The following NCKAP5 variants were observed in gnomAD, a reference collection of about 807,000 sequenced individuals.
NCKAP5 encodes the protein NCK associated protein 5.
NCKAP5 carries 92 observed loss-of-function variants against 167.0 expected under a neutral mutation model. That is an observed-to-expected ratio of 0.55 (90% CI 0.47 to 0.66). NCKAP5 has a LOEUF of 0.66. Ranked by LOEUF, NCKAP5 falls within the 30% of genes least tolerant of loss-of-function variation. NCKAP5 has a pLI of 0.00. For synonymous variants in NCKAP5, 891 were observed against 877.4 expected (o/e 1.02, Z -0.27); for missense variants, 2,378 against 2,315.0 (o/e 1.03, Z -0.56).
chr2:132,761,170 C>T (rs1299357544), intron 16 of NCKAP5, among the ~76,000 whole-genome samples: 2 of 152,114 alleles, frequency 1.3e-5, no homozygotes, highest in East Asian at 1.9e-4. Flanking sequence ...AGCTTTATGC[C>T]GGGGAGGGGC....
intron 6 of NCKAP5, among the ~76,000 whole-genome samples, chr2:133,057,728 C>T (rs756452205): frequency 1.3e-5 from 2 of 152,170 alleles, no homozygotes; most frequent in Non-Finnish European, 2.9e-5. Flanking sequence ...GCACCAAGTG[C>T]TTTAGGTGCT....
At chr2:132,935,759 G>C (rs1221277291) in intron 8 of NCKAP5, among the ~76,000 whole-genome samples, 2 of 152,094 alleles carry the variant, frequency 1.3e-5, no homozygotes, top group African/African-American at 4.8e-5. Flanking sequence ...AAGGACCCTT[G>C]CTCACACCTT....
At chr2:132,740,304 T>C (rs777138141) in intron 16 of NCKAP5, among the ~76,000 whole-genome samples, 9 of 152,182 alleles carry the variant, frequency 5.9e-5, no homozygotes, top group Non-Finnish European at 1.0e-4. Context: ...CAAGTGGTCA[T>C]GTAAATAAGT....
At chr2:133,117,564 AATCT>A (rs1340352648) in intron 6 of NCKAP5, 13 of 152,190 alleles carry the variant, frequency 8.5e-5, no homozygotes, top group Non-Finnish European at 1.5e-5. Context: ...TAGTGATTCC[AATCT>A]ATTAGATCTG....
chr2:132,906,219 G>T (rs1694000309), intron 8 of NCKAP5, among the ~76,000 whole-genome samples: 2 of 152,110 alleles, frequency 1.3e-5, no homozygotes, highest in South Asian at 4.1e-4. Context: ...ATAGTTACTG[G>T]AGTAGCTAAC....
intron 8 of NCKAP5, among the ~76,000 whole-genome samples, chr2:132,916,240 G>A (rs1694865986): frequency 6.6e-6 from 1 of 151,988 alleles, no homozygotes; most frequent in Non-Finnish European, 1.5e-5. Context: ...TGTGCCTTGG[G>A]TTAAGAACTT....
chr2:133,416,695 A>G (rs576016800), intron 3 of NCKAP5, among the ~76,000 whole-genome samples: 1 of 152,026 alleles, frequency 6.6e-6, no homozygotes, highest in East Asian at 1.9e-4. Context: ...GTACTGAAAT[A>G]GCCACCACCT....
At position 132,783,432 on chromosome 2, in the gene NCKAP5, T is replaced by G; in HGVS notation, c.3379A>C (p.Ser1127Arg). Residue 1127 changes from serine (S) to arginine (R), a missense_variant, in exon 14 of 20, where the codon AGC becomes CGC. Coordinates refer to ENST00000409261, the MANE Select transcript of NCKAP5 (RefSeq NM_207363.3). ...TGACAACCATGAGGGCTGTTATGGC[T>G]TTTGGCGGGTGATGAGGATGATGAG... ...SSSSSSSPAK[S>R]HNSPHGCQSA... The G allele has an allele frequency of 6.3e-7, 1 of 1,586,084 alleles. No homozygotes were observed. The highest frequency in any genetic ancestry group is 8.6e-7 in the Non-Finnish European group (1 of 1,166,510).
At chr2:133,524,559 T>C (rs1255668838) in intron 2 of NCKAP5, among the ~76,000 whole-genome samples, 1 of 152,170 alleles carries the variant, frequency 6.6e-6, no homozygotes, top group Non-Finnish European at 1.5e-5. Flanking sequence ...GAACTTCAAA[T>C]GGCAAGCCCA....
chr2:133,160,130 G>C (rs1169257693), intron 5 of NCKAP5, among the ~76,000 whole-genome samples: 4 of 152,166 alleles, frequency 2.6e-5, no homozygotes, highest in Non-Finnish European at 5.9e-5. Flanking sequence ...TAGAACAATA[G>C]AAATGTATTA....
rs558284712 is a variant in NCKAP5, at chr2:132,852,350, G to A, written c.807+8142C>T. ...CTACTGCAATATAATGTTGATTTATGTTCAGGGTTTGAACCTCTATTCAAT... is the reference window on the plus strand; with the variant it reads ...CTACTGCAATATAATGTTGATTTATATTCAGGGTTTGAACCTCTATTCAAT... On this transcript the variant is annotated intron_variant, in intron 11 of 19. Transcript: ENST00000409261. Among the ~76,000 whole-genome samples, 9 of 152,320 alleles carry A rather than the reference G, an allele frequency of 5.9e-5. No individual in the cohort carries two copies. In the South Asian group the frequency reaches 1.9e-3, roughly 32 times the overall value.
intron 6 of NCKAP5, among the ~76,000 whole-genome samples, chr2:133,072,233 G>A (rs1041429219): frequency 1.2e-4 from 18 of 152,020 alleles, no homozygotes; most frequent in Non-Finnish European, 2.2e-4. Context: ...TTACAGCTGT[G>A]CACCATCACA....
rs1164913774 is a variant in NCKAP5, at chr2:133,404,322, C to T, written c.70-101212G>A. On this transcript the variant is annotated intron_variant, in intron 3 of 19. Coordinates refer to ENST00000409261, the MANE Select transcript of NCKAP5 (RefSeq NM_207363.3). The stretch of plus-strand genomic sequence containing the variant: ...GAAATAAAACTTTGTTATAGTAGTC[C>T]CCCTTATCTGCAGGGGATATATTCC... Among the ~76,000 whole-genome samples the T allele has an allele frequency of 8.5e-5, 13 of 152,176 alleles. No individual in the cohort carries two copies. The East Asian group carries it at 1.3e-3, about 16-fold the overall frequency.
At chr2:132,704,043 C>T (rs1054507426) in intron 19 of NCKAP5, among the ~76,000 whole-genome samples, 7 of 152,268 alleles carry the variant, frequency 4.6e-5, no homozygotes, top group African/African-American at 1.7e-4. Flanking sequence ...CCCCTGAAAC[C>T]CTTCCCAGTG....
At chr2:133,565,626 C>G (rs563449654) in intron 1 of NCKAP5, among the ~76,000 whole-genome samples, 4 of 152,160 alleles carry the variant, frequency 2.6e-5, no homozygotes, top group Non-Finnish European at 4.4e-5. Context: ...CCAGAATCCC[C>G]AAGACAGCTC....
At chr2:133,645,586 T>C in the NCKAP5 span, among the ~76,000 whole-genome samples, 1 of 152,210 alleles carries the variant, frequency 6.6e-6, no homozygotes, top group Non-Finnish European at 1.5e-5. Flanking sequence ...ATTTGTGTTT[T>C]CTTAATGAAG....
chr2:133,116,405 G>A lies in NCKAP5; in HGVS notation c.341+13573C>T, dbSNP rs575995276. Among the ~76,000 whole-genome samples the A allele has an allele frequency of 6.0e-3, 580 of 96,856 alleles. 120 individuals carry two copies. Among genetic ancestry groups the A allele is most frequent in the African/African-American group, 0.028 (554 of 19,890 alleles). 63.5% of individuals were successfully genotyped at this position (96,856 alleles called of 152,430 possible). A position where few individuals can be genotyped will look rare whatever the true frequency, so the allele number is the denominator to read the frequency against. On this transcript the variant is annotated intron_variant, in intron 6 of 19. Transcript: ENST00000409261. ...CGGGAGGCTGAGGCAGGAGAATGGC[G>A]TGAACCCGGGAGGCGGAGCTTGCAG...
chr2:133,524,968 G>A (rs1684750751), intron 2 of NCKAP5, among the ~76,000 whole-genome samples: 1 of 152,156 alleles, frequency 6.6e-6, no homozygotes, highest in South Asian at 2.1e-4. Flanking sequence ...ATGAGTATAT[G>A]AGTGTATGTG....
At chr2:133,389,552 CAA>C (rs1687249562) in intron 3 of NCKAP5, among the ~76,000 whole-genome samples, 1 of 152,322 alleles carries the variant, frequency 6.6e-6, no homozygotes, top group Non-Finnish European at 1.5e-5. Flanking sequence ...GAGCAGAAAA[CAA>C]AGTGTTCTCT....
Sources: allele counts gnomAD v4.1 joint callset (sites outside exome capture counted in the v4.1 genomes callset), GRCh38; gene constraint gnomAD v4.1.1; transcripts MANE v1.5; gene names NCBI Gene and HGNC (gene_info 2026-07-23, HGNC 2026-07-21).